Variants in PMFBP1 observed in about 807,000 individuals in gnomAD.
The protein encoded by PMFBP1 is polyamine-modulated factor 1-binding protein 1.
In PMFBP1, 131 loss-of-function variants were observed where a neutral mutation model predicts 137.8. The ratio of observed to expected loss-of-function variants is 0.95; its 90% CI spans 0.82 to 1.10. PMFBP1 has a LOEUF of 1.10. Among genes scored for constraint, PMFBP1 ranks in the 50% least tolerant of loss-of-function variants. The probability of loss-of-function intolerance (pLI) is 0.00; values close to 1 mark genes in which losing one functional copy is unlikely to be tolerated. For synonymous variants in PMFBP1, 490 were observed against 450.4 expected, an observed-to-expected ratio of 1.09 and a Z score of -1.11; for missense variants, 1,199 against 1,175.4, an observed-to-expected ratio of 1.02 and a Z score of -0.29.
At chr16:72,224,212 C>T in the PMFBP1 span, among the ~76,000 whole-genome samples, 3 of 152,158 alleles carry the variant, frequency 2.0e-5, no homozygotes, top group Non-Finnish European at 4.4e-5. Context: ...GTGAATTCTT[C>T]ATCCTCCATG....
At chr16:72,176,427 C>T (rs2043259718), upstream of PMFBP1, among the ~76,000 whole-genome samples, 1 of 152,196 alleles carries the variant, frequency 6.6e-6, no homozygotes, top group African/African-American at 2.4e-5. Flanking sequence ...TGCATGCACT[C>T]ATCTAAAAGA....
intron 19 of PMFBP1, 147 bp from the exon 20 acceptor site, chr16:72,120,236 G>GGCTCAAT: frequency 1.5e-6 from 2 of 1,334,816 alleles, no homozygotes; most frequent in Non-Finnish European, 2.1e-6. Context: ...ATGCTCTGTA[G>GGCTCAAT]AAATGGAAGC....
chr16:72,185,391 A>G, the PMFBP1 span, among the ~76,000 whole-genome samples: 3 of 151,886 alleles, frequency 2.0e-5, no homozygotes, highest in Admixed American at 6.6e-5. Context: ...CTACTGAACT[A>G]TGTTCAGTTT....
At chr16:72,133,883 G>A (rs1413218055) in intron 9 of PMFBP1, among the ~76,000 whole-genome samples, 1 of 152,140 alleles carries the variant, frequency 6.6e-6, no homozygotes, top group Non-Finnish European at 1.5e-5. Context: ...TATGCAGGCC[G>A]AGGCAGGTGG....
At position 72,130,528 on chromosome 16, in the gene PMFBP1, G is replaced by A; in HGVS notation, c.1637+5C>T. ...CTCTCTGGAGGGGAGCCTGAGCCTG[G>A]GCACCTGTTGGAGGTTTGTTCCTTC... is the stretch of plus-strand genomic sequence containing the variant. On this transcript the variant is annotated splice_donor_5th_base_variant and intron_variant, in intron 11 of 20. Transcript: ENST00000237353. 6.2e-7 allele frequency: 1 copy of A among 1,614,022 alleles called. No individual in the cohort carries two copies. The highest frequency in any genetic ancestry group is 8.5e-7 in the Non-Finnish European group (1 of 1,179,960).
the PMFBP1 span, among the ~76,000 whole-genome samples, chr16:72,220,712 G>A: frequency 6.6e-6 from 1 of 152,152 alleles, no homozygotes; most frequent in African/African-American, 2.4e-5. Flanking sequence ...TTTTTCTCCA[G>A]GCCTTGCAGG....
rs2042701485 is a variant in PMFBP1, at chr16:72,140,504, G to C, written c.715C>G (p.Gln239Glu). ...TGCCAGACTTCAGACAGTCGTTTCT[G>C]AGTCTCCTGATGCTCTTGAATCATG... ...PCMIQEHQET[Q>E]KRLSEVWQKV... Residue 239 changes from glutamine (Q) to glutamate (E), a missense_variant, in exon 6 of 21, where the codon CAG (glutamine) becomes GAG (glutamate). By Grantham distance (29) the Gln-to-Glu change is conservative (BLOSUM62 2). Transcript: ENST00000237353. 1 of 1,612,960 alleles carries C rather than the reference G, an allele frequency of 6.2e-7. No homozygotes were observed. Among genetic ancestry groups the C allele is most frequent in the Non-Finnish European group, 8.5e-7 (1 of 1,179,062 alleles).
intron 5 of PMFBP1, among the ~76,000 whole-genome samples, chr16:72,142,027 CA>C (rs2042731508): frequency 1.4e-5 from 2 of 138,570 alleles, no homozygotes; most frequent in African/African-American, 5.3e-5. Flanking sequence ...AAAAAAAAAG[CA>C]AAGCGTTCTA....
intron 10 of PMFBP1, among the ~76,000 whole-genome samples, chr16:72,132,189 T>C (rs1311917931): frequency 6.6e-6 from 1 of 152,112 alleles, no homozygotes; most frequent in Non-Finnish European, 1.5e-5. Context: ...TTTTGGATAA[T>C]CACAAAGTCA....
intron 2 of PMFBP1, among the ~76,000 whole-genome samples, chr16:72,168,985 TG>T (rs938194763): frequency 6.6e-6 from 1 of 152,182 alleles, no homozygotes; most frequent in African/African-American, 2.4e-5. Context: ...AGCTTCTTCT[TG>T]GGGGAAGCTA....
chr16:72,221,788 A>T, the PMFBP1 span, among the ~76,000 whole-genome samples: 1 of 152,244 alleles, frequency 6.6e-6, no homozygotes, highest in Non-Finnish European at 1.5e-5. Context: ...ATGATACTTC[A>T]TATGTCATAC....
At chr16:72,150,296 T>G (rs1431165828) in intron 5 of PMFBP1, among the ~76,000 whole-genome samples, 1 of 152,122 alleles carries the variant, frequency 6.6e-6, no homozygotes, top group African/African-American at 2.4e-5. Flanking sequence ...TGAGCTGTGA[T>G]GCAATCTCAA....
At chr16:72,218,252 G>C in the PMFBP1 span, among the ~76,000 whole-genome samples, 1 of 152,144 alleles carries the variant, frequency 6.6e-6, no homozygotes, top group Non-Finnish European at 1.5e-5. Context: ...TGAATGTCCA[G>C]CAAAAAATCA....
chr16:72,123,840 G>T (rs1364705480), intron 17 of PMFBP1, among the ~76,000 whole-genome samples, 191 bp from the exon 18 acceptor site: 1 of 152,186 alleles, frequency 6.6e-6, no homozygotes, highest in East Asian at 1.9e-4. Flanking sequence ...TCACACAAAG[G>T]TGACATCTCT....
intron 5 of PMFBP1, among the ~76,000 whole-genome samples, chr16:72,148,819 A>T (rs995213768): frequency 1.3e-5 from 2 of 152,214 alleles, no homozygotes; most frequent in African/African-American, 2.4e-5. Context: ...CCCCTTTGGC[A>T]ATGAAGGACT....
chr16:72,131,538 C>T (rs1267370618), intron 10 of PMFBP1, among the ~76,000 whole-genome samples: 1 of 152,132 alleles, frequency 6.6e-6, no homozygotes, highest in Non-Finnish European at 1.5e-5. Context: ...AGAGCTGGGG[C>T]TTGAAGTCTT....
At chr16:72,218,296 A>T in the PMFBP1 span, among the ~76,000 whole-genome samples, 9 of 152,216 alleles carry the variant, frequency 5.9e-5, no homozygotes, top group Non-Finnish European at 1.2e-4. Flanking sequence ...ATGCCTTGAA[A>T]AACTATATTT....
chr16:72,179,458 C>T (rs368827979), upstream of PMFBP1, among the ~76,000 whole-genome samples: 104 of 152,260 alleles, frequency 6.8e-4, no homozygotes, highest in African/African-American at 2.5e-3. Flanking sequence ...AGATTCTTGA[C>T]TCCCAGGAGA....
At chr16:72,167,716 G>C (rs1469651675) in intron 2 of PMFBP1, among the ~76,000 whole-genome samples, 1 of 152,166 alleles carries the variant, frequency 6.6e-6, no homozygotes, top group Non-Finnish European at 1.5e-5. Flanking sequence ...GCATCTATGA[G>C]CAGGTTAGGT....
Sources: allele counts gnomAD v4.1 joint callset (sites outside exome capture counted in the v4.1 genomes callset), GRCh38; gene constraint gnomAD v4.1.1; transcripts MANE v1.5; gene names NCBI Gene and HGNC (gene_info 2026-07-23, HGNC 2026-07-21).